The following CPPED1 variants were observed in gnomAD, a reference collection of about 807,000 sequenced individuals.
CPPED1 encodes the protein calcineurin like phosphoesterase domain containing 1.
CPPED1 carries 28 observed loss-of-function variants against 28.0 expected under a neutral mutation model. The ratio of observed to expected loss-of-function variants is 1.00; its 90% CI spans 0.74 to 1.37. The LOEUF (loss-of-function observed/expected upper bound fraction) is 1.37. Among genes scored for constraint, CPPED1 ranks in the 40% most tolerant of loss-of-function variants. CPPED1 has a pLI of 0.00. For synonymous variants in CPPED1, 198 were observed against 180.2 expected, an observed-to-expected ratio of 1.10 and a Z score of -0.79; for missense variants, 504 against 416.5, an observed-to-expected ratio of 1.21 and a Z score of -1.83.
In CPPED1 at chr16:12,661,226, T is replaced by C. The variant is rs1380370224; in HGVS notation, c.*3660A>G. Reference sequence around the variant, plus strand: ...TACTATGTGTATATTGTTTCTACAGTTGTATACACCGTAGTGTCTTTTACA... The same window carrying C: ...TACTATGTGTATATTGTTTCTACAGCTGTATACACCGTAGTGTCTTTTACA... On this transcript the variant is annotated 3_prime_UTR_variant, in exon 4 of 4. Coordinates refer to ENST00000381774, the MANE Select transcript of CPPED1 (RefSeq NM_018340.3). The C allele has an allele frequency of 6.6e-6, 1 of 152,228 alleles. No individual in the cohort carries two copies. Among genetic ancestry groups the C allele is most frequent in the East Asian group, 1.9e-4 (1 of 5,192 alleles). 9.4% of individuals were successfully genotyped at this position (152,228 alleles called of 1,614,324 possible).
chr16:12,776,975 G>A (rs996201364), intron 2 of CPPED1, among the ~76,000 whole-genome samples: 20 of 152,194 alleles, frequency 1.3e-4, no homozygotes, highest in African/African-American at 4.8e-4. Context: ...CTCCAGCCAC[G>A]TGGAACTGTG....
chr16:12,772,261 CTAGATGAAT>C (rs889773300), intron 2 of CPPED1, among the ~76,000 whole-genome samples: 9 of 152,226 alleles, frequency 5.9e-5, no homozygotes, highest in Non-Finnish European at 1.3e-4. Flanking sequence ...AGCTACCAAA[CTAGATGAAT>C]TAGAAGTTTT....
chr16:12,733,486 G>C (rs1446910667), intron 2 of CPPED1, among the ~76,000 whole-genome samples: 1 of 152,108 alleles, frequency 6.6e-6, no homozygotes, highest in East Asian at 1.9e-4. Flanking sequence ...TGTTGGCCAG[G>C]CTGGTCTTGA....
chr16:12,672,019 G>C (rs1444745860), intron 3 of CPPED1, among the ~76,000 whole-genome samples: 1 of 152,220 alleles, frequency 6.6e-6, no homozygotes, highest in Non-Finnish European at 1.5e-5. Flanking sequence ...GCAGTATCCA[G>C]TACAGTACCA....
chr16:12,692,237 C>G (rs2079967473), intron 3 of CPPED1, among the ~76,000 whole-genome samples: 1 of 152,136 alleles, frequency 6.6e-6, no homozygotes, highest in African/African-American at 2.4e-5. Flanking sequence ...TGGCACTTCA[C>G]AGAGCCATCT....
intron 2 of CPPED1, among the ~76,000 whole-genome samples, chr16:12,717,776 G>C (rs2080115251): frequency 6.6e-6 from 1 of 152,058 alleles, no homozygotes; most frequent in Non-Finnish European, 1.5e-5. Context: ...CAAGTAGCTG[G>C]GATTACAGGA....
At chr16:12,704,136 G>T (rs555379665) in intron 3 of CPPED1, among the ~76,000 whole-genome samples, 19 of 152,194 alleles carry the variant, frequency 1.2e-4, no homozygotes, top group Non-Finnish European at 2.5e-4. Context: ...GACTCTTAAA[G>T]ATCGTCTGCC....
intron 2 of CPPED1, among the ~76,000 whole-genome samples, chr16:12,746,616 CT>C (rs144906316): frequency 0.15 from 23,380 of 151,248 alleles, 2,012 homozygotes; most frequent in Admixed American, 0.2. Context: ...ACACAGAATC[CT>C]TTTTTTTTCT....
At chr16:12,724,247 G>A (rs1338305125) in intron 2 of CPPED1, among the ~76,000 whole-genome samples, 1 of 152,088 alleles carries the variant, frequency 6.6e-6, no homozygotes, top group Non-Finnish European at 1.5e-5. Context: ...GACTCTGGGG[G>A]TCCCACTGAC....
At chr16:12,671,410 A>C (rs2079852115) in intron 3 of CPPED1, among the ~76,000 whole-genome samples, 1 of 152,082 alleles carries the variant, frequency 6.6e-6, no homozygotes, top group Admixed American at 6.6e-5. Flanking sequence ...AGGGAAAGAA[A>C]ATGAGGAGAC....
intron 1 of CPPED1, among the ~76,000 whole-genome samples, chr16:12,791,502 T>C (rs916951488): frequency 1.3e-5 from 2 of 152,144 alleles, no homozygotes; most frequent in African/African-American, 4.8e-5. Context: ...GATCTTAAGA[T>C]CATGTGTCAT....
intron 1 of CPPED1, among the ~76,000 whole-genome samples, chr16:12,803,039 G>T (rs923777021): frequency 6.6e-6 from 1 of 152,186 alleles, no homozygotes; most frequent in African/African-American, 2.4e-5. Flanking sequence ...CCTAGCATGC[G>T]TCCAACACCG....
In CPPED1 at chr16:12,782,078, G is replaced by A. The variant is rs191996109; in HGVS notation, c.71-675C>T. ...GGGTGGGGACTCTTTTATGTTCTTG[G>A]AAAGGGATCTAGGCCACCTGAAATC... On this transcript the variant is annotated intron_variant, in intron 1 of 3. Transcript: ENST00000381774. 3.0e-3 allele frequency among the ~76,000 whole-genome samples: 455 copies of A among 152,198 alleles called. 5 individuals are homozygous for A. The highest frequency in any genetic ancestry group is 0.011 in the African/African-American group (438 of 41,530).
chr16:12,800,331 G>C (rs55984003), intron 1 of CPPED1, among the ~76,000 whole-genome samples: 1 of 151,792 alleles, frequency 6.6e-6, no homozygotes, highest in Admixed American at 6.6e-5. Context: ...CCAGCTACTC[G>C]GGAGGCTGAA....
rs2079796995 is a variant in CPPED1, at chr16:12,661,913, G to A, written c.*2973C>T. ...GGGCCTCCAGCTAACGCTGTCCAAG[G>A]TGCTGAATACCGTACTCAGTGTGTT... On this transcript the variant is annotated 3_prime_UTR_variant, in exon 4 of 4. Transcript: ENST00000381774. The A allele has an allele frequency of 6.6e-6, 1 of 152,422 alleles. No homozygotes were observed. Among genetic ancestry groups the A allele is most frequent in the Admixed American group, 6.5e-5 (1 of 15,284 alleles). The allele number at this position is 152,422 out of a possible 1,614,324, so 9.4% of individuals were successfully genotyped here.
intron 1 of CPPED1, among the ~76,000 whole-genome samples, chr16:12,793,970 G>C (rs1366211217): frequency 1.3e-5 from 2 of 152,130 alleles, no homozygotes; most frequent in African/African-American, 4.8e-5. Context: ...AATCTGCATA[G>C]TGAATCACAA....
At chr16:12,713,133 A>T (rs1326885061) in intron 2 of CPPED1, among the ~76,000 whole-genome samples, 5 of 152,164 alleles carry the variant, frequency 3.3e-5, no homozygotes, top group Non-Finnish European at 4.4e-5. Flanking sequence ...GGGTAAATTC[A>T]ATTTAAAAAA....
chr16:12,751,131 TAG>T (rs1237608081), intron 2 of CPPED1, among the ~76,000 whole-genome samples: 11 of 152,018 alleles, frequency 7.2e-5, no homozygotes, highest in Non-Finnish European at 1.5e-4. Context: ...AATAAAAATA[TAG>T]AGAGATACAA....
At chr16:12,669,454 C>T (rs2079842856) in intron 3 of CPPED1, among the ~76,000 whole-genome samples, 1 of 151,990 alleles carries the variant, frequency 6.6e-6, no homozygotes, top group South Asian at 2.1e-4. Context: ...AAATTTGATA[C>T]TTCAAAAGAG....
Sources: allele counts gnomAD v4.1 joint callset (sites outside exome capture counted in the v4.1 genomes callset), GRCh38; gene constraint gnomAD v4.1.1; transcripts MANE v1.5; gene names NCBI Gene and HGNC (gene_info 2026-07-23, HGNC 2026-07-21).